The following CLEC12A variants were observed in gnomAD, a reference collection of about 807,000 sequenced individuals.
CLEC12A encodes C-type lectin protein CLL-1.
A neutral mutation model predicts 26.5 loss-of-function variants in CLEC12A; 22 were observed. The observed-to-expected ratio is 0.83, with a 90% CI of 0.59 to 1.19. The LOEUF (loss-of-function observed/expected upper bound fraction) is 1.19, where lower values mean the gene tolerates loss of function less well. Ranked by LOEUF, CLEC12A falls within the 50% of genes most tolerant of loss-of-function variation. CLEC12A has a pLI of 0.00. For missense variants in CLEC12A, 353 were observed against 315.6 expected (o/e 1.12, Z -0.90); for synonymous variants, 119 against 101.9 (o/e 1.17, Z -1.01).
chr12:9,985,575 TAAAC>T lies in CLEC12A; in HGVS notation c.*553_*556del, dbSNP rs1864745701. ...AATTATTATTTTAAGTAAAAGCCAA[TAAAC>T]AAAAACGAAAAGGCAAGTTACGAGA... On this transcript the variant is annotated 3_prime_UTR_variant, in exon 6 of 6. Transcript: ENST00000304361. 5.0e-6 allele frequency: 2 copies of T among 398,140 alleles called. No homozygotes were observed. Among genetic ancestry groups the T allele is most frequent in the Admixed American group, 4.4e-5 (1 of 22,704 alleles). The allele number at this position is 398,140 out of a possible 1,614,324, so 24.7% of individuals were successfully genotyped here. A position where few individuals can be genotyped will look rare whatever the true frequency, so the allele number is the denominator to read the frequency against.
At chr12:9,965,266 G>T (rs1342266779) in intron 1 of CLEC12A, among the ~76,000 whole-genome samples, 2 of 152,142 alleles carry the variant, frequency 1.3e-5, no homozygotes, top group African/African-American at 2.4e-5. Context: ...CCCTAACCAT[G>T]CCTAGGAAGG....
exon 5 of CLEC12A, chr12:9,995,371 G>A: frequency 1.2e-6 from 1 of 800,022 alleles, no homozygotes. Context: ...TAGTATTAAT[G>A]GATTACATTT....
chr12:9,998,745 A>G (rs7977955), downstream of CLEC12A, among the ~76,000 whole-genome samples: 65,665 of 151,726 alleles, frequency 0.43, 14,456 homozygotes, highest in Non-Finnish European at 0.45. Context: ...TCATTTGCTC[A>G]CATATAGAAA....
downstream of CLEC12A, chr12:9,999,117 C>A: frequency 6.3e-7 from 1 of 1,575,364 alleles, no homozygotes; most frequent in Non-Finnish European, 8.7e-7. Flanking sequence ...CCGAGTACTG[C>A]AACTGAGCTC....
chr12:9,956,039 G>A (rs984291304), intron 1 of CLEC12A, among the ~76,000 whole-genome samples: 3 of 152,150 alleles, frequency 2.0e-5, no homozygotes, highest in African/African-American at 7.2e-5. Context: ...TCCTTCAAGG[G>A]GAGACAAGCT....
intron 4 of CLEC12A, chr12:9,993,164 G>A: frequency 1.2e-6 from 2 of 1,611,330 alleles, no homozygotes; most frequent in Non-Finnish European, 1.7e-6. Flanking sequence ...GGTCCACCTT[G>A]GTCATGCCAG....
chr12:9,967,536 G>T (rs1047802004), upstream of CLEC12A, among the ~76,000 whole-genome samples: 1 of 152,084 alleles, frequency 6.6e-6, no homozygotes, highest in Non-Finnish European at 1.5e-5. Flanking sequence ...GAAGAAGGGG[G>T]AATGGAGGGC....
At chr12:9,967,693 C>T (rs1863995730), upstream of CLEC12A, among the ~76,000 whole-genome samples, 1 of 150,518 alleles carries the variant, frequency 6.6e-6, no homozygotes, top group African/African-American at 2.5e-5. Context: ...TCTTGCCCCC[C>T]AGAAAAGCGG....
At chr12:9,984,020 C>A in intron 5 of CLEC12A, 6 of 275,644 alleles carry the variant, frequency 2.2e-5, no homozygotes, top group Non-Finnish European at 3.6e-5. Context: ...GAATGGTAAT[C>A]TATAATGGAA....
downstream of CLEC12A, among the ~76,000 whole-genome samples, chr12:9,988,288 C>G (rs1565566505): frequency 6.6e-6 from 1 of 152,162 alleles, no homozygotes; most frequent in Non-Finnish European, 1.5e-5. Flanking sequence ...CATTACCATT[C>G]AGGACACAGG....
the CLEC12A span, among the ~76,000 whole-genome samples, chr12:10,005,035 G>A: frequency 6.6e-6 from 1 of 151,620 alleles, no homozygotes; most frequent in East Asian, 1.9e-4. Flanking sequence ...TTTGAATTAA[G>A]GATTCACAGA....
chr12:9,960,976 G>A (rs1863818493), intron 1 of CLEC12A, among the ~76,000 whole-genome samples: 1 of 152,188 alleles, frequency 6.6e-6, no homozygotes. Flanking sequence ...GAGTGACCAT[G>A]CCCGTGACAC....
At chr12:9,995,146 T>C in exon 5 of CLEC12A, 1 of 1,612,628 alleles carries the variant, frequency 6.2e-7, no homozygotes. Flanking sequence ...TTACATATTT[T>C]CTGAGATAAC....
At chr12:9,962,351 T>C (rs1026100601) in intron 1 of CLEC12A, among the ~76,000 whole-genome samples, 2 of 151,228 alleles carry the variant, frequency 1.3e-5, no homozygotes, top group Admixed American at 6.6e-5. Context: ...ATTATGTGAC[T>C]CTGAAGGTGT....
chr12:9,957,500 A>C (rs58362015), intron 1 of CLEC12A, among the ~76,000 whole-genome samples: 4 of 146,470 alleles, frequency 2.7e-5, no homozygotes, highest in African/African-American at 1.1e-4. Context: ...CAAAAAAAAA[A>C]AAAACAAAAA....
upstream of CLEC12A, chr12:9,971,332 A>T: frequency 2.2e-6 from 2 of 902,986 alleles, no homozygotes; most frequent in Non-Finnish European, 2.7e-6. Flanking sequence ...ATTGAGAAAA[A>T]GGAAGAAATA....
intron 1 of CLEC12A, among the ~76,000 whole-genome samples, chr12:9,960,756 CTTGT>C (rs958743775): frequency 2.6e-5 from 4 of 152,050 alleles, no homozygotes; most frequent in African/African-American, 9.7e-5. Flanking sequence ...AAACTTGAAA[CTTGT>C]TTGTTTTCCT....
chr12:9,992,756 A>T, intron 4 of CLEC12A: 1 of 160,266 alleles, frequency 6.2e-6, no homozygotes, highest in Non-Finnish European at 1.4e-5. Flanking sequence ...TTTCAAACTT[A>T]GATATTTTGG....
At position 9,971,609 on chromosome 12, in the gene CLEC12A, G is replaced by A. The variant is rs368219808; in HGVS notation, c.13G>A (p.Val5Ile). 6 of 1,605,772 alleles carry A rather than the reference G, an allele frequency of 3.7e-6. No homozygotes were observed. The highest frequency in any genetic ancestry group is 1.7e-4 in the Middle Eastern group (1 of 6,014). Residue 5 changes from valine (V) to isoleucine (I), a missense_variant, in exon 1 of 6, where the codon GTT becomes ATT. Coordinates refer to ENST00000304361, the MANE Select transcript of CLEC12A (RefSeq NM_138337.6). ...TACATATTCATCAATGTCTGAAGAA[G>A]TTACTTATGCAGATCTTCAATTCCA... is the stretch of plus-strand genomic sequence containing the variant. MSEE[V>I]TYADLQFQNS... is the part of the protein sequence containing the mutation.
Sources: gnomAD v4.1 joint callset for allele counts (sites outside exome capture counted in the v4.1 genomes callset) on GRCh38, gnomAD v4.1.1 for gene constraint, MANE v1.5 for transcripts, NCBI Gene and HGNC (gene_info 2026-07-23, HGNC 2026-07-21) for gene names.